Variants in RAB27B observed in about 807,000 individuals in gnomAD.
RAB27B encodes RAB27B, member RAS oncogene family, also known as ras-related protein Rab-27B.
A neutral mutation model predicts 24.6 loss-of-function variants in RAB27B; 15 were observed. The ratio of observed to expected loss-of-function variants is 0.61; its 90% CI spans 0.41 to 0.94. RAB27B has a LOEUF of 0.94. Ranked by LOEUF, RAB27B falls within the 40% of genes least tolerant of loss-of-function variation. The pLI, the probability that RAB27B is intolerant of heterozygous loss-of-function variation, is 0.00. For missense variants in RAB27B, 261 were observed against 266.8 expected, an observed-to-expected ratio of 0.98 and a Z score of 0.15; for synonymous variants, 105 against 92.5, an observed-to-expected ratio of 1.14 and a Z score of -0.78.
chr18:54,786,052 T>G (rs1382162562), intron 2 of RAB27B, among the ~76,000 whole-genome samples: 3 of 152,206 alleles, frequency 2.0e-5, no homozygotes. Flanking sequence ...CTTCTTCTCC[T>G]TTTCTACTTT....
At chr18:54,783,361 C>A (rs1222672705) in intron 2 of RAB27B, among the ~76,000 whole-genome samples, 6 of 152,052 alleles carry the variant, frequency 3.9e-5, no homozygotes, top group Admixed American at 6.5e-5. Context: ...ATTTTATCAC[C>A]TCCCCTACTG....
At chr18:54,844,858 G>T (rs1473109558) in intron 1 of RAB27B, among the ~76,000 whole-genome samples, 1 of 152,140 alleles carries the variant, frequency 6.6e-6, no homozygotes, top group Non-Finnish European at 1.5e-5. Flanking sequence ...GTTTTCGCTG[G>T]TTGGGTGTCT....
At chr18:54,790,548 A>G (rs1909216763) in intron 2 of RAB27B, among the ~76,000 whole-genome samples, 1 of 152,176 alleles carries the variant, frequency 6.6e-6, no homozygotes, top group Non-Finnish European at 1.5e-5. Flanking sequence ...AAAATTTAGT[A>G]AACAGATTAC....
At chr18:54,740,828 T>C (rs1419325179) in intron 2 of RAB27B, among the ~76,000 whole-genome samples, 2 of 152,182 alleles carry the variant, frequency 1.3e-5, no homozygotes, top group African/African-American at 4.8e-5. Flanking sequence ...GATAGATAGA[T>C]AGATGATAGA....
chr18:54,794,226 C>G (rs1909343385), intron 2 of RAB27B, among the ~76,000 whole-genome samples: 1 of 152,164 alleles, frequency 6.6e-6, no homozygotes, highest in South Asian at 2.1e-4. Flanking sequence ...GCTATTATAG[C>G]ACCCTGAACT....
upstream of RAB27B, among the ~76,000 whole-genome samples, chr18:54,828,014 A>AT (rs1910530494): frequency 6.6e-6 from 1 of 152,180 alleles, no homozygotes; most frequent in Admixed American, 6.5e-5. Flanking sequence ...TGGATGTTGC[A>AT]TACTGATTAA....
chr18:54,752,254 T>C (rs893980439), intron 2 of RAB27B, among the ~76,000 whole-genome samples: 1 of 152,198 alleles, frequency 6.6e-6, no homozygotes, highest in African/African-American at 2.4e-5. Context: ...ATAGCCTTGG[T>C]TCATTCAGGC....
chr18:54,724,339 A>G lies in RAB27B; in HGVS notation c.-20+6198A>G, dbSNP rs9951187. On this transcript the variant is annotated intron_variant, in intron 2 of 4. Transcript: ENST00000586570. ...TGCAATGTGGCTACTAGAAAAGTTA[A>G]TGTTATGTGGCTACTAGAAAAGTTA... is the stretch of plus-strand genomic sequence containing the variant. Among the ~76,000 whole-genome samples the G allele has an allele frequency of 5.5e-3, 838 of 151,674 alleles. 28 individuals are homozygous for G. The highest frequency in any genetic ancestry group is 0.019 in the African/African-American group (798 of 41,452).
At chr18:54,787,604 T>G (rs909000858) in intron 2 of RAB27B, among the ~76,000 whole-genome samples, 2 of 151,926 alleles carry the variant, frequency 1.3e-5, no homozygotes, top group Non-Finnish European at 2.9e-5. Context: ...GAAGCAGAGA[T>G]AGAATTTTTA....
intron 1 of RAB27B, among the ~76,000 whole-genome samples, 187 bp from the exon 2 acceptor site, chr18:54,877,380 T>G (rs1912744295): frequency 6.6e-6 from 1 of 152,206 alleles, no homozygotes; most frequent in South Asian, 2.1e-4. Context: ...TAAAAAGATT[T>G]GTACTGAGTA....
rs760345422 is a variant in RAB27B at position 54,877,645 on chromosome 18, G to T, written c.60G>T (p.Val20=). The T allele has an allele frequency of 2.1e-5, 33 of 1,596,282 alleles. 1 individual carries two copies. In the South Asian group the frequency reaches 2.9e-4, roughly 14 times the overall value. ...TCCTGGCCCTCGGGGATTCAGGGGT[G>T]GGGAAGACAACATTTCTTTATAGAT... ...IKLLALGDSG[V]GKTTFLYRYT... The change falls in exon 2 of 6, where the codon GTG becomes GTT. Residue 20 remains valine (V), a synonymous_variant. Transcript: ENST00000262094.
intron 2 of RAB27B, among the ~76,000 whole-genome samples, chr18:54,789,030 A>G (rs1433231324): frequency 6.6e-6 from 1 of 152,190 alleles, no homozygotes; most frequent in Non-Finnish European, 1.5e-5. Flanking sequence ...TTTTCCTAAT[A>G]TATTTATCCT....
chr18:54,892,245 A>G lies in RAB27B; in HGVS notation c.*2832A>G, dbSNP rs1913397050. 1 of 152,060 alleles carries G rather than the reference A, an allele frequency of 6.6e-6. No individual in the cohort carries two copies. The highest frequency in any genetic ancestry group is 2.4e-5 in the African/African-American group (1 of 41,438). 9.4% of individuals were successfully genotyped at this position (152,060 alleles called of 1,614,324 possible). On this transcript the variant is annotated 3_prime_UTR_variant, in exon 6 of 6. Coordinates refer to ENST00000262094, the MANE Select transcript of RAB27B (RefSeq NM_004163.4). ...TATAGAAACCATTTCTGGAGTATTTACACTGGTTTGATGTTTACATTGCTC... is the reference window on the plus strand; with the variant it reads ...TATAGAAACCATTTCTGGAGTATTTGCACTGGTTTGATGTTTACATTGCTC...
At chr18:54,791,076 C>T (rs1909231739) in intron 2 of RAB27B, among the ~76,000 whole-genome samples, 1 of 151,980 alleles carries the variant, frequency 6.6e-6, no homozygotes, top group Non-Finnish European at 1.5e-5. Context: ...AGAAGGTGGC[C>T]CCAGATGACT....
intron 2 of RAB27B, among the ~76,000 whole-genome samples, chr18:54,780,957 G>A (rs1908897364): frequency 6.6e-6 from 1 of 152,190 alleles, no homozygotes; most frequent in Admixed American, 6.5e-5. Context: ...TCACACCCAT[G>A]GTTATACCAA....
chr18:54,817,455 A>G (rs907223759), intron 2 of RAB27B, among the ~76,000 whole-genome samples: 3 of 152,202 alleles, frequency 2.0e-5, no homozygotes, highest in Non-Finnish European at 4.4e-5. Context: ...GGCTGTATGC[A>G]TCACTCTGTT....
chr18:54,872,321 TA>T (rs1912503490), intron 1 of RAB27B, among the ~76,000 whole-genome samples: 4 of 152,060 alleles, frequency 2.6e-5, no homozygotes, highest in Non-Finnish European at 4.4e-5. Context: ...TTGTGCAACT[TA>T]AGATAGAAAA....
At chr18:54,859,080 T>G (rs1409851689) in intron 1 of RAB27B, among the ~76,000 whole-genome samples, 2 of 151,936 alleles carry the variant, frequency 1.3e-5, no homozygotes, top group East Asian at 1.9e-4. Flanking sequence ...TGGCCAGGAG[T>G]AGGCTTCAGG....
intron 2 of RAB27B, among the ~76,000 whole-genome samples, chr18:54,761,716 T>A (rs140164196): frequency 1.3e-5 from 2 of 152,180 alleles, no homozygotes; most frequent in Non-Finnish European, 2.9e-5. Flanking sequence ...ATAAATCTCA[T>A]TGGCTCTATT....
Sources: allele counts gnomAD v4.1 joint callset (sites outside exome capture counted in the v4.1 genomes callset), GRCh38; gene constraint gnomAD v4.1.1; transcripts MANE v1.5; gene names NCBI Gene and HGNC (gene_info 2026-07-23, HGNC 2026-07-21).